Variants in DIRAS2 observed in about 807,000 individuals in gnomAD.
The protein encoded by DIRAS2 is GTP-binding protein Di-Ras2.
In DIRAS2, 5 loss-of-function variants were observed where a neutral mutation model predicts 13.9. The observed-to-expected ratio is 0.36, with a 90% CI of 0.19 to 0.76. DIRAS2 has a LOEUF of 0.76. DIRAS2 is among the 30% of genes least tolerant of loss of function. The pLI, the probability that DIRAS2 is intolerant of heterozygous loss-of-function variation, is 0.53. For missense variants in DIRAS2, 191 were observed against 263.0 expected (o/e 0.73, Z 1.89); for synonymous variants, 111 against 105.4 (o/e 1.05, Z -0.33).
chr9:90,611,800 G>T lies in DIRAS2; in HGVS notation c.*1428C>A, dbSNP rs1164497912. The T allele has an allele frequency of 1.3e-5, 2 of 152,256 alleles. No individual in the cohort carries two copies. The highest frequency in any genetic ancestry group is 4.8e-5 in the African/African-American group (2 of 41,464). 9.4% of individuals were successfully genotyped at this position (152,256 alleles called of 1,614,324 possible). A position where few individuals can be genotyped will look rare whatever the true frequency, so the allele number is the denominator to read the frequency against. On this transcript the variant is annotated 3_prime_UTR_variant, in exon 2 of 2. Transcript: ENST00000375765. Reference sequence around the variant, plus strand: ...GATGCCACAGTTGGGGCCAGTAAATGTTCTGCCAACTGAAACAAACAGGAG... The same window carrying T: ...GATGCCACAGTTGGGGCCAGTAAATTTTCTGCCAACTGAAACAAACAGGAG...
At chr9:90,620,845 T>A (rs889107732) in intron 1 of DIRAS2, among the ~76,000 whole-genome samples, 1 of 152,224 alleles carries the variant, frequency 6.6e-6, no homozygotes, top group African/African-American at 2.4e-5. Flanking sequence ...GCTGGAAATA[T>A]TACATATCTT....
intron 1 of DIRAS2, among the ~76,000 whole-genome samples, chr9:90,619,277 T>G (rs560909709): frequency 1.3e-5 from 2 of 151,790 alleles, no homozygotes; most frequent in Non-Finnish European, 2.9e-5. Flanking sequence ...CCGTCTCTAC[T>G]GAAAATACAA....
At chr9:90,621,772 C>T (rs1825221441) in intron 1 of DIRAS2, among the ~76,000 whole-genome samples, 2 of 152,210 alleles carry the variant, frequency 1.3e-5, no homozygotes, top group African/African-American at 2.4e-5. Context: ...ACCTTTGCAT[C>T]TTGACTTACT....
intron 1 of DIRAS2, among the ~76,000 whole-genome samples, chr9:90,619,251 C>T (rs1825196975): frequency 6.6e-6 from 1 of 151,970 alleles, no homozygotes; most frequent in South Asian, 2.1e-4. Flanking sequence ...ACCAGCCTGG[C>T]CAACATGGTG....
At chr9:90,632,382 C>T (rs1351697499) in intron 1 of DIRAS2, among the ~76,000 whole-genome samples, 1 of 152,148 alleles carries the variant, frequency 6.6e-6, no homozygotes, top group Non-Finnish European at 1.5e-5. Flanking sequence ...CTACCCAGAC[C>T]CTCTTCCCCC....
At chr9:90,629,430 A>G (rs956961540) in intron 1 of DIRAS2, among the ~76,000 whole-genome samples, 2 of 152,058 alleles carry the variant, frequency 1.3e-5, no homozygotes, top group Non-Finnish European at 2.9e-5. Context: ...CTGGAAAAAC[A>G]TTTTCCCGCT....
intron 1 of DIRAS2, among the ~76,000 whole-genome samples, chr9:90,636,167 A>G (rs1242504345): frequency 6.7e-6 from 1 of 149,258 alleles, no homozygotes; most frequent in African/African-American, 2.5e-5. Context: ...CCTACTGAGT[A>G]GCTGGGACTA....
At chr9:90,630,989 A>T (rs1825319691) in intron 1 of DIRAS2, among the ~76,000 whole-genome samples, 1 of 152,222 alleles carries the variant, frequency 6.6e-6, no homozygotes, top group African/African-American at 2.4e-5. Context: ...AAATTTAAAA[A>T]CTAATTTTAA....
In DIRAS2 at chr9:90,611,880, T is replaced by C. The variant is rs1825117405; in HGVS notation, c.*1348A>G. The C allele has an allele frequency of 6.6e-6, 1 of 152,246 alleles. No homozygotes were observed. The highest frequency in any genetic ancestry group is 1.5e-5 in the Non-Finnish European group (1 of 68,062). 9.4% of individuals were successfully genotyped at this position (152,246 alleles called of 1,614,324 possible). A position where few individuals can be genotyped will look rare whatever the true frequency, so the allele number is the denominator to read the frequency against. ...CAGGAAGCCAAGTCCAACCAGGCTC[T>C]ACGATGGCAGAGCAATTAAGCTGAG... On this transcript the variant is annotated 3_prime_UTR_variant, in exon 2 of 2. Coordinates refer to ENST00000375765, the MANE Select transcript of DIRAS2 (RefSeq NM_017594.5).
intron 1 of DIRAS2, among the ~76,000 whole-genome samples, chr9:90,615,979 A>G (rs1825165316): frequency 6.6e-6 from 1 of 152,198 alleles, no homozygotes; most frequent in African/African-American, 2.4e-5. Flanking sequence ...CTTTTTGCTT[A>G]GAAGGGAGTT....
intron 1 of DIRAS2, among the ~76,000 whole-genome samples, chr9:90,638,860 C>G (rs1362040397): frequency 6.6e-6 from 1 of 152,074 alleles, no homozygotes; most frequent in Admixed American, 6.6e-5. Context: ...GAGAAACTCC[C>G]AAACTCAAAA....
chr9:90,633,801 C>T (rs577289234), intron 1 of DIRAS2, among the ~76,000 whole-genome samples: 2 of 152,260 alleles, frequency 1.3e-5, no homozygotes, highest in South Asian at 4.2e-4. Flanking sequence ...GCAAGAGGCG[C>T]TTCAATGGCA....
intron 1 of DIRAS2, among the ~76,000 whole-genome samples, chr9:90,621,012 C>T (rs1401355627): frequency 6.6e-6 from 1 of 151,792 alleles, no homozygotes; most frequent in Non-Finnish European, 1.5e-5. Flanking sequence ...TTTTCAGATC[C>T]CAGTTAGAGG....
At chr9:90,614,134 G>T (rs897978774) in intron 1 of DIRAS2, among the ~76,000 whole-genome samples, 1 of 152,110 alleles carries the variant, frequency 6.6e-6, no homozygotes, top group Non-Finnish European at 1.5e-5. Context: ...CCAGGTAAAA[G>T]ATGCAAAGTG....
chr9:90,637,034 G>A lies in DIRAS2; in HGVS notation c.-37+5718C>T, dbSNP rs188308325. Among the ~76,000 whole-genome samples, 364 of 152,284 alleles carry A rather than the reference G, an allele frequency of 2.4e-3. 1 individual carries two copies. Among genetic ancestry groups the A allele is most frequent in the African/African-American group, 8.4e-3 (351 of 41,556 alleles). On this transcript the variant is annotated intron_variant, in intron 1 of 1. Coordinates refer to ENST00000375765, the MANE Select transcript of DIRAS2 (RefSeq NM_017594.5). Reference sequence around the variant, plus strand: ...CAGTTGTTTCCCTTGGTGATCATGAGGATAACTAACAGCTATGGCTCACTG... The same window carrying A: ...CAGTTGTTTCCCTTGGTGATCATGAAGATAACTAACAGCTATGGCTCACTG...
At position 90,610,260 on chromosome 9, in the gene DIRAS2, AACAAATATACTAGC is replaced by A. The variant is rs1474979983; in HGVS notation, c.*2954_*2967del. On this transcript the variant is annotated 3_prime_UTR_variant, in exon 2 of 2. Coordinates refer to ENST00000375765, the MANE Select transcript of DIRAS2 (RefSeq NM_017594.5). The stretch of plus-strand genomic sequence containing the variant: ...ATTTCTTAAATATTACAAACAGTGA[AACAAATATACTAGC>A]TTACAGATATGTACAATTTATGACT... The A allele has an allele frequency of 7.6e-6, 3 of 394,616 alleles. No individual in the cohort carries two copies. The highest frequency in any genetic ancestry group is 6.2e-5 in the African/African-American group (3 of 48,572). 24.4% of individuals were successfully genotyped at this position (394,616 alleles called of 1,614,324 possible).
rs1285923171 is a variant in DIRAS2 at position 90,613,609 on chromosome 9, C to T, written c.219G>A (p.Arg73=). ...AGGCGTGCCCTTTGGAGATGGACAG[C>T]CGCTGCATGGCCGGGAACTGGTGGC... ...TGSHQFPAMQ[R]LSISKGHAFI... The change falls in exon 2 of 2, where the codon CGG becomes CGA. Residue 73 remains arginine, a synonymous_variant. Transcript: ENST00000375765. The surrounding 1 kb of genome is among the most constrained non-coding windows in gnomAD (Gnocchi z 5.6). The T allele has an allele frequency of 2.5e-6, 4 of 1,614,030 alleles. No individual in the cohort carries two copies. The African/African-American group carries it at 5.3e-5, about 22-fold the overall frequency.
intron 1 of DIRAS2, among the ~76,000 whole-genome samples, chr9:90,638,182 C>G (rs1825387455): frequency 6.6e-6 from 1 of 152,128 alleles, no homozygotes; most frequent in Non-Finnish European, 1.5e-5. Context: ...TTTGTTACAA[C>G]AACTTGATTT....
chr9:90,641,479 AT>A (rs905363930), intron 1 of DIRAS2, among the ~76,000 whole-genome samples: 31 of 152,186 alleles, frequency 2.0e-4, no homozygotes, highest in African/African-American at 7.5e-4. Flanking sequence ...TGTATCTTTT[AT>A]TTCTATAAAA....
Sources: gnomAD v4.1 joint callset for allele counts (sites outside exome capture counted in the v4.1 genomes callset) on GRCh38, gnomAD v4.1.1 for gene constraint, Gnocchi (gnomAD v3.1) non-coding constraint, MANE v1.5 for transcripts, NCBI Gene and HGNC (gene_info 2026-07-23, HGNC 2026-07-21) for gene names.